BRDT: variants seen among roughly 807,000 people sequenced by gnomAD.
BRDT encodes the protein bromodomain testis-specific protein.
BRDT carries 77 observed loss-of-function variants against 113.9 expected under a neutral mutation model. That is an observed-to-expected ratio of 0.68 (90% CI 0.56 to 0.82). The LOEUF is 0.82. Ranked by LOEUF, BRDT falls within the 40% of genes least tolerant of loss-of-function variation. BRDT has a pLI of 0.00. For synonymous variants in BRDT, 358 were observed against 366.5 expected (o/e 0.98, Z 0.26); for missense variants, 1,027 against 1,105.4 (o/e 0.93, Z 1.01).
At chr1:91,960,709 A>C (rs1298991172) in intron 1 of BRDT, among the ~76,000 whole-genome samples, 1 of 152,264 alleles carries the variant, frequency 6.6e-6, no homozygotes, top group Non-Finnish European at 1.5e-5. Context: ...CAGTTCAAAA[A>C]TATAAGTGAT....
intron 4 of BRDT, 58 bp downstream of exon 4, chr1:91,968,318 A>ATG (rs576541262): frequency 4.4e-6 from 7 of 1,575,296 alleles, no homozygotes; most frequent in Middle Eastern, 3.3e-4. Flanking sequence ...TATCTATCTC[A>ATG]TGTGTGTGTG....
rs114213075 is a variant in BRDT at position 91,986,630 on chromosome 1, A to C, written c.2003-4554A>C. Among the ~76,000 whole-genome samples the C allele has an allele frequency of 3.1e-3, 466 of 152,312 alleles. 1 individual carries two copies. The highest frequency in any genetic ancestry group is 0.011 in the African/African-American group (444 of 41,576). On this transcript the variant is annotated intron_variant, in intron 12 of 18. Coordinates refer to ENST00000399546, the MANE Select transcript of BRDT (RefSeq NM_207189.4). ...AGAGAATGAAATTTATAAGTTCTTT[A>C]AATAACATTTGTTTCTTTTTTTAAA...
chr1:91,952,777 CAAAA>C (rs66618367), intron 1 of BRDT, among the ~76,000 whole-genome samples: 33 of 74,872 alleles, frequency 4.4e-4, no homozygotes, highest in East Asian at 1.1e-3. Context: ...GACCCATCTC[CAAAA>C]AAAAAAAAAA....
At position 91,981,644 on chromosome 1, in the gene BRDT, G is replaced by T. The variant is rs761321878; in HGVS notation, c.1891G>T (p.Val631Phe). 2.5e-6 allele frequency: 4 copies of T among 1,614,100 alleles called. No individual in the cohort carries two copies. Among genetic ancestry groups the T allele is most frequent in the Non-Finnish European group, 3.4e-6 (4 of 1,180,014 alleles). The change falls in exon 12 of 19, where the codon GTT becomes TTT. Residue 631 changes from valine to phenylalanine, a missense_variant. By Grantham distance (50) the Val-to-Phe change is conservative. Coordinates refer to ENST00000399546, the MANE Select transcript of BRDT (RefSeq NM_207189.4). Reference protein sequence around the residue: ...KSDKTQPSKAVENVSRLSESS... With the variant: ...KSDKTQPSKAFENVSRLSESS... ...TGATAAAACGCAACCATCCAAAGCT[G>T]TTGAAAATGTTTCCCGACTGAGTGA...
intron 1 of BRDT, among the ~76,000 whole-genome samples, chr1:91,958,085 C>T (rs779080001): frequency 6.6e-6 from 1 of 151,966 alleles, no homozygotes; most frequent in Non-Finnish European, 1.5e-5. Flanking sequence ...TCAAATGATC[C>T]ACCTGCCTCG....
At chr1:91,983,416 A>G (rs970330154) in intron 12 of BRDT, among the ~76,000 whole-genome samples, 5 of 151,252 alleles carry the variant, frequency 3.3e-5, no homozygotes, top group African/African-American at 9.7e-5. Flanking sequence ...AGGCACGCCC[A>G]GCTAATTTTT....
chr1:91,997,254 TG>T (rs1686433459), intron 15 of BRDT, among the ~76,000 whole-genome samples: 1 of 152,150 alleles, frequency 6.6e-6, no homozygotes, highest in South Asian at 2.1e-4. Context: ...CCTGTTGTGA[TG>T]GGGCAGAAAC....
At chr1:92,001,965 A>C in intron 15 of BRDT, 84 bp from the exon 16 acceptor site, 1 of 969,772 alleles carries the variant, frequency 1.0e-6, no homozygotes, top group Admixed American at 2.4e-5. Context: ...ATAGTGTCTG[A>C]CCTGGAAGGA....
chr1:91,974,327 C>T (rs1165253859), intron 4 of BRDT, among the ~76,000 whole-genome samples: 1 of 152,194 alleles, frequency 6.6e-6, no homozygotes, highest in Non-Finnish European at 1.5e-5. Context: ...GCAATAGAAA[C>T]TACCATCAGA....
chr1:92,010,185 C>T (rs1226546212), intron 18 of BRDT, among the ~76,000 whole-genome samples: 1 of 151,932 alleles, frequency 6.6e-6, no homozygotes. Context: ...AATAATATCC[C>T]ACCTCACTCC....
At chr1:91,987,001 G>A (rs994539600) in intron 12 of BRDT, among the ~76,000 whole-genome samples, 2 of 150,854 alleles carry the variant, frequency 1.3e-5, no homozygotes, top group Admixed American at 6.6e-5. Context: ...GCAGTGGCTC[G>A]ATCTCAGCTA....
At chr1:91,968,020 T>G in intron 3 of BRDT, 126 bp from the exon 4 acceptor site, 1 of 877,542 alleles carries the variant, frequency 1.1e-6, no homozygotes, top group South Asian at 3.1e-5. Context: ...ATTTTCTAAA[T>G]TTATAAGAGA....
At chr1:91,985,071 T>G (rs1307444438) in intron 12 of BRDT, among the ~76,000 whole-genome samples, 2 of 152,046 alleles carry the variant, frequency 1.3e-5, no homozygotes, top group African/African-American at 2.4e-5. Context: ...AGGCTTTGAT[T>G]ATTATTATTA....
intron 1 of BRDT, among the ~76,000 whole-genome samples, chr1:91,954,968 CAAAA>C (rs1298171701): frequency 4.0e-5 from 6 of 151,672 alleles, no homozygotes; most frequent in African/African-American, 1.2e-4. Context: ...CTGAACAAAA[CAAAA>C]AAACAGTGGA....
intron 4 of BRDT, among the ~76,000 whole-genome samples, chr1:91,975,048 G>A (rs947448175): frequency 2.0e-4 from 30 of 152,094 alleles, no homozygotes; most frequent in East Asian, 5.8e-4. Flanking sequence ...TCCAAACACC[G>A]TATGTTCTCA....
intron 8 of BRDT, among the ~76,000 whole-genome samples, 154 bp from the exon 9 acceptor site, chr1:91,980,489 A>G (rs1363736520): frequency 1.3e-5 from 2 of 152,252 alleles, no homozygotes; most frequent in East Asian, 1.9e-4. Flanking sequence ...TAAAAATTCA[A>G]TGCATTTGTG....
intron 4 of BRDT, among the ~76,000 whole-genome samples, chr1:91,974,404 T>C (rs1325880294): frequency 6.6e-6 from 1 of 152,028 alleles, no homozygotes; most frequent in Non-Finnish European, 1.5e-5. Context: ...AGGGCTAATA[T>C]CCAGAATCTA....
chr1:91,986,785 C>T (rs1450508262), intron 12 of BRDT, among the ~76,000 whole-genome samples: 7 of 151,972 alleles, frequency 4.6e-5, no homozygotes, highest in Admixed American at 1.3e-4. Context: ...AACCAACAAA[C>T]TTTGTTCAAG....
chr1:92,000,245 G>C (rs1455475271), intron 15 of BRDT, among the ~76,000 whole-genome samples: 2 of 152,170 alleles, frequency 1.3e-5, no homozygotes, highest in Non-Finnish European at 2.9e-5. Flanking sequence ...TACCAACTTA[G>C]AGTCAGCAAA....
Sources: allele counts gnomAD v4.1 joint callset (sites outside exome capture counted in the v4.1 genomes callset), GRCh38; gene constraint gnomAD v4.1.1; transcripts MANE v1.5; gene names NCBI Gene and HGNC (gene_info 2026-07-23, HGNC 2026-07-21).